The following ZNRF2 variants were observed in gnomAD, a reference collection of about 807,000 sequenced individuals.
The protein encoded by ZNRF2 is E3 ubiquitin-protein ligase ZNRF2.
ZNRF2 carries 16 observed loss-of-function variants against 20.4 expected under a neutral mutation model. The observed-to-expected ratio is 0.79, with a 90% CI of 0.53 to 1.19. The LOEUF is 1.19. Among genes scored for constraint, ZNRF2 ranks in the 50% most tolerant of loss-of-function variants. The pLI is 0.00. For missense variants in ZNRF2, 363 were observed against 332.4 expected (o/e 1.09, Z -0.72); for synonymous variants, 178 against 144.9 (o/e 1.23, Z -1.64).
At chr7:30,337,366 T>A (rs1799732233) in intron 2 of ZNRF2, among the ~76,000 whole-genome samples, 1 of 152,174 alleles carries the variant, frequency 6.6e-6, no homozygotes, top group South Asian at 2.1e-4. Flanking sequence ...TTTGGATTCC[T>A]ACAGAATATA....
Position 30,325,008 on chromosome 7 carries a change from C to G in ZNRF2, c.565+1271C>G, listed in dbSNP as rs536707911. On this transcript the variant is annotated intron_variant, in intron 2 of 4. Transcript: ENST00000323037. ...TTTAGTCTGTGAGCTCTGGAGCGAA[C>G]TGGTATTTTTTTAGGTCTGGTGTTT... 2.6e-5 allele frequency among the ~76,000 whole-genome samples: 4 copies of G among 152,226 alleles called. No individual in the cohort carries two copies. In the East Asian group the frequency reaches 7.7e-4, roughly 29 times the overall value.
chr7:30,347,344 A>C (rs1799894307), intron 2 of ZNRF2, among the ~76,000 whole-genome samples: 1 of 152,174 alleles, frequency 6.6e-6, no homozygotes, highest in South Asian at 2.1e-4. Flanking sequence ...TCCTTGGAGC[A>C]GGGAGAGTTT....
chr7:30,294,990 G>A (rs1798985667), intron 1 of ZNRF2, among the ~76,000 whole-genome samples: 1 of 137,766 alleles, frequency 7.3e-6, no homozygotes, highest in Non-Finnish European at 1.6e-5. Context: ...AGAGGGAGGG[G>A]GACAGAGAGA....
intron 1 of ZNRF2, among the ~76,000 whole-genome samples, chr7:30,288,104 A>G (rs574464463): frequency 6.6e-6 from 1 of 152,362 alleles, no homozygotes; most frequent in East Asian, 1.9e-4. Context: ...GGAAAACAAT[A>G]GAAGCATGTT....
chr7:30,342,877 C>G (rs551774127), intron 2 of ZNRF2, among the ~76,000 whole-genome samples: 157 of 152,086 alleles, frequency 1.0e-3, no homozygotes, highest in African/African-American at 3.5e-3. Flanking sequence ...GTATCTTTAT[C>G]CAAGTGTAGA....
chr7:30,333,197 G>A (rs1799661725), intron 2 of ZNRF2, among the ~76,000 whole-genome samples: 1 of 151,476 alleles, frequency 6.6e-6, no homozygotes, highest in African/African-American at 2.4e-5. Context: ...GGGATTACAG[G>A]CGCCTGCCAC....
chr7:30,349,266 A>C (rs1310068307), intron 2 of ZNRF2, among the ~76,000 whole-genome samples: 3 of 152,214 alleles, frequency 2.0e-5, no homozygotes, highest in Non-Finnish European at 4.4e-5. Flanking sequence ...GACTTGTCCA[A>C]AGCTCAAGCC....
At chr7:30,304,920 A>G (rs978625102) in intron 1 of ZNRF2, among the ~76,000 whole-genome samples, 5 of 152,234 alleles carry the variant, frequency 3.3e-5, no homozygotes, top group African/African-American at 1.2e-4. Context: ...TCGGCAAGCC[A>G]GATGTTAAAT....
chr7:30,285,624 C>T lies in ZNRF2; in HGVS notation c.267C>T (p.Ser89=). The change falls in exon 1 of 5, where the codon AGC becomes AGT. Residue 89 remains serine, a synonymous_variant. Coordinates refer to ENST00000323037, the MANE Select transcript of ZNRF2 (RefSeq NM_147128.4). ...RSRSLGGAVG[S]VASGARAAQS... ...GCTCCCTCGGCGGGGCCGTGGGGAG[C>T]GTGGCGTCGGGGGCCCGCGCGGCGC... 11 of 1,244,164 alleles carry T rather than the reference C, an allele frequency of 8.8e-6. No individual in the cohort carries two copies. The highest frequency in any genetic ancestry group is 1.1e-5 in the Non-Finnish European group (11 of 996,958). 77.1% of individuals were successfully genotyped at this position (1,244,164 alleles called of 1,614,324 possible).
At chr7:30,300,999 C>CT (rs1442562109) in intron 1 of ZNRF2, among the ~76,000 whole-genome samples, 2 of 152,186 alleles carry the variant, frequency 1.3e-5, no homozygotes, top group Admixed American at 6.5e-5. Context: ...CTGGGGAGTT[C>CT]TTATAGTTGT....
chr7:30,288,185 TTTAC>T (rs1376302078), intron 1 of ZNRF2, among the ~76,000 whole-genome samples: 3 of 152,222 alleles, frequency 2.0e-5, no homozygotes, highest in Non-Finnish European at 4.4e-5. Flanking sequence ...CTAGTTCACA[TTTAC>T]TTAACTTTTT....
intron 2 of ZNRF2, among the ~76,000 whole-genome samples, chr7:30,329,180 TTATAGGGGTCCATGTGATATTCAGA>T (rs1202568682): frequency 6.6e-6 from 1 of 152,172 alleles, no homozygotes; most frequent in Non-Finnish European, 1.5e-5. Context: ...AATAGTACAT[TTATAGGGGTCCATGTGATATTCAGA>T]TACAAATGTA....
rs61418583 is a variant in ZNRF2, at chr7:30,301,700, TAAA to T, written c.469+15895_469+15897del. On this transcript the variant is annotated intron_variant, in intron 1 of 4. Coordinates refer to ENST00000323037, the MANE Select transcript of ZNRF2 (RefSeq NM_147128.4). ...GACTACAGGATAATGAGGCTTTTTT[TAAA>T]AAAAAAAAAAAAAAAAAAAACTTAT... 6.7e-3 allele frequency among the ~76,000 whole-genome samples: 771 copies of T among 115,688 alleles called. 6 individuals are homozygous for T. Among genetic ancestry groups the T allele is most frequent in the African/African-American group, 0.023 (717 of 31,856 alleles). The allele number at this position is 115,688 out of a possible 152,430, so 75.9% of individuals were successfully genotyped here. A position where few individuals can be genotyped will look rare whatever the true frequency, so the allele number is the denominator to read the frequency against.
chr7:30,345,099 A>G (rs982769492), intron 2 of ZNRF2, among the ~76,000 whole-genome samples: 28 of 152,156 alleles, frequency 1.8e-4, no homozygotes, highest in African/African-American at 5.3e-4. Flanking sequence ...TGCCCTTTCA[A>G]TATGTAGATC....
rs78007797 is a variant in ZNRF2, at chr7:30,307,326, G to GTTTTTTT, written c.470-16298_470-16292dup. 1.9e-4 allele frequency among the ~76,000 whole-genome samples: 8 copies of GTTTTTTT among 43,236 alleles called. 1 individual carries two copies. Among genetic ancestry groups the GTTTTTTT allele is most frequent in the African/African-American group, 1.4e-4 (2 of 13,928 alleles). 28.4% of individuals were successfully genotyped at this position (43,236 alleles called of 152,430 possible). A position where few individuals can be genotyped will look rare whatever the true frequency, so the allele number is the denominator to read the frequency against. ...TGTCTTCTTTCTGCTGTTTTTTTTT[G>GTTTTTTT]TTTTTTTTTTTTTTTTTTTTTTTTG... On this transcript the variant is annotated intron_variant, in intron 1 of 4. Transcript: ENST00000323037.
chr7:30,330,803 A>C (rs1799625903), intron 2 of ZNRF2, among the ~76,000 whole-genome samples: 1 of 151,936 alleles, frequency 6.6e-6, no homozygotes, highest in Non-Finnish European at 1.5e-5. Context: ...GCTACTAAGC[A>C]GAATTTTAAA....
rs200090323 is a variant in ZNRF2, at chr7:30,362,413, C to T, written c.708C>T (p.Cys236=). The change falls in exon 4 of 5, where the codon TGC becomes TGT. Residue 236 remains cysteine, a synonymous_variant. Coordinates refer to ENST00000323037, the MANE Select transcript of ZNRF2 (RefSeq NM_147128.4). ...AATGGTTTGAAGTAAATAGATCTTGCCCTGAGCACCCTTCAGATTAAGCGT... is the reference window on the plus strand; with the variant it reads ...AATGGTTTGAAGTAAATAGATCTTGTCCTGAGCACCCTTCAGATTAAGCGT... ...IDEWFEVNRS[C]PEHPSD 1 of 1,598,424 alleles carries T rather than the reference C, an allele frequency of 6.3e-7. No individual in the cohort carries two copies. The highest frequency in any genetic ancestry group is 1.1e-5 in the South Asian group (1 of 88,048).
chr7:30,342,354 A>G (rs1472431729), intron 2 of ZNRF2, among the ~76,000 whole-genome samples: 1 of 152,110 alleles, frequency 6.6e-6, no homozygotes, highest in African/African-American at 2.4e-5. Flanking sequence ...ATGTTTTTGT[A>G]GTGGCTGGTA....
chr7:30,333,455 C>T (rs1170740015), intron 2 of ZNRF2, among the ~76,000 whole-genome samples: 3 of 151,428 alleles, frequency 2.0e-5, no homozygotes, highest in Non-Finnish European at 4.4e-5. Flanking sequence ...CTGCAACCTC[C>T]GCATCCCAGG....
Sources: gnomAD v4.1 joint callset for allele counts (sites outside exome capture counted in the v4.1 genomes callset) on GRCh38, gnomAD v4.1.1 for gene constraint, MANE v1.5 for transcripts, NCBI Gene and HGNC (gene_info 2026-07-23, HGNC 2026-07-21) for gene names.